AFF3: variants seen among roughly 807,000 people sequenced by gnomAD.
AFF3 encodes ALF transcription elongation factor 3.
In AFF3, 32 loss-of-function variants were observed where a neutral mutation model predicts 129.7. That is an observed-to-expected ratio of 0.25 (90% CI 0.19 to 0.33). The LOEUF (loss-of-function observed/expected upper bound fraction) is 0.33, where lower values mean the gene tolerates loss of function less well. Among genes scored for constraint, AFF3 ranks in the 10% least tolerant of loss-of-function variants. The pLI, the probability that AFF3 is intolerant of heterozygous loss-of-function variation, is 1.00. For synonymous variants in AFF3, 644 were observed against 635.4 expected (o/e 1.01, Z -0.20); for missense variants, 1,373 against 1,592.0 (o/e 0.86, Z 2.34).
At chr2:99,576,492 C>T (rs1017401665) in intron 18 of AFF3, among the ~76,000 whole-genome samples, 2 of 136,542 alleles carry the variant, frequency 1.5e-5, no homozygotes, top group African/African-American at 2.8e-5. Context: ...CTCTAGCCTG[C>T]GTGACAGGGC....
At chr2:99,622,565 T>C (rs763293261) in intron 13 of AFF3, among the ~76,000 whole-genome samples, 1 of 152,228 alleles carries the variant, frequency 6.6e-6, no homozygotes, top group Non-Finnish European at 1.5e-5. Context: ...TAAGTCTGAG[T>C]TCTGCGACTC....
At chr2:99,683,286 G>C (rs1026395257) in intron 11 of AFF3, among the ~76,000 whole-genome samples, 2 of 152,126 alleles carry the variant, frequency 1.3e-5, no homozygotes, top group Non-Finnish European at 2.9e-5. Flanking sequence ...AAAAACGAGA[G>C]TGTTTACCTC....
intron 2 of AFF3, chr2:100,107,098 G>A: frequency 1.0e-6 from 1 of 985,408 alleles, no homozygotes; most frequent in Middle Eastern, 5.2e-4. Flanking sequence ...CTCTAACATG[G>A]GGATAGTTGG....
chr2:100,085,495 ACT>A (rs1478077002), intron 4 of AFF3, among the ~76,000 whole-genome samples: 1 of 149,576 alleles, frequency 6.7e-6, no homozygotes. Flanking sequence ...TTCCAAAACC[ACT>A]CTCAGCCTGT....
At chr2:99,674,392 C>G (rs1003965789) in intron 11 of AFF3, among the ~76,000 whole-genome samples, 4 of 152,186 alleles carry the variant, frequency 2.6e-5, no homozygotes, top group Non-Finnish European at 5.9e-5. Context: ...CAGCACAGTG[C>G]GGCACAGAAC....
At position 99,648,913 on chromosome 2, in the gene AFF3, A is replaced by ACTCTCTCTCTCTCTCT. The variant is rs1558695739; in HGVS notation, c.1184+712_1184+713insAGAGAGAGAGAGAGAG. ...CACACACACACACACACACACACACACACACTCTCTCTCTCTCTCTCTCTC... is the reference window on the plus strand; with the variant it reads ...CACACACACACACACACACACACACACTCTCTCTCTCTCTCTCACACTCTCTCTCTCTCTCTCTCTC... On this transcript the variant is annotated intron_variant, in intron 13 of 24. Transcript: ENST00000672756. Among the ~76,000 whole-genome samples the ACTCTCTCTCTCTCTCT allele has an allele frequency of 1.4e-4, 5 of 34,650 alleles. 1 individual carries two copies. Among genetic ancestry groups the ACTCTCTCTCTCTCTCT allele is most frequent in the Non-Finnish European group, 3.5e-4 (5 of 14,184 alleles). 22.7% of individuals were successfully genotyped at this position (34,650 alleles called of 152,430 possible). A position where few individuals can be genotyped will look rare whatever the true frequency, so the allele number is the denominator to read the frequency against.
rs189092754 is a variant in AFF3 at position 100,119,714 on chromosome 2, T to C, written c.-145+9510A>G. ...TCCCCATTTTACAGGGAAGAAAGTGTGGTTTACAGGGGACAAACTATTTAA... is the reference window on the plus strand; with the variant it reads ...TCCCCATTTTACAGGGAAGAAAGTGCGGTTTACAGGGGACAAACTATTTAA... On this transcript the variant is annotated intron_variant, in intron 2 of 24. Coordinates refer to ENST00000672756, the MANE Select transcript of AFF3 (RefSeq NM_001386135.1). 4.6e-5 allele frequency among the ~76,000 whole-genome samples: 7 copies of C among 152,312 alleles called. No individual in the cohort carries two copies. The East Asian group carries it at 1.4e-3, about 29-fold the overall frequency.
Position 99,710,250 on chromosome 2 carries a change from A to T in AFF3, c.1091+16827T>A, listed in dbSNP as rs542125339. Among the ~76,000 whole-genome samples the T allele has an allele frequency of 2.6e-5, 4 of 152,228 alleles. No homozygotes were observed. The East Asian group carries it at 7.7e-4, about 29-fold the overall frequency. On this transcript the variant is annotated intron_variant, in intron 11 of 24. Coordinates refer to ENST00000672756, the MANE Select transcript of AFF3 (RefSeq NM_001386135.1). ...ATACAGAGCCTGGCACACAGTATTC[A>T]GTATTTGTTTTTTGTTTCTTTTTTT...
At chr2:99,558,735 G>T in intron 22 of AFF3, 140 bp downstream of exon 22, 1 of 659,728 alleles carries the variant, frequency 1.5e-6, no homozygotes. Context: ...AGCCACAAGT[G>T]TGGCATAAAT....
At position 99,869,345 on chromosome 2, in the gene AFF3, G is replaced by A. The variant is rs551245813; in HGVS notation, c.874-31821C>T. 2.7e-5 allele frequency among the ~76,000 whole-genome samples: 4 copies of A among 150,658 alleles called. No individual in the cohort carries two copies. The East Asian group carries it at 6.0e-4, about 22-fold the overall frequency. ...CAGTACTTCTTAAATCTCAGCAAAG[G>A]CCTTCCATAAAAAGAAGGCATTCAC... On this transcript the variant is annotated intron_variant, in intron 7 of 24. Transcript: ENST00000672756.
intron 2 of AFF3, among the ~76,000 whole-genome samples, chr2:100,121,244 T>C (rs1222452058): frequency 6.6e-6 from 1 of 152,114 alleles, no homozygotes; most frequent in African/African-American, 2.4e-5. Context: ...CATAGAAACC[T>C]CAGGCTCAAC....
intron 4 of AFF3, among the ~76,000 whole-genome samples, chr2:100,095,356 T>C (rs997372333): frequency 2.0e-5 from 3 of 152,010 alleles, no homozygotes; most frequent in Non-Finnish European, 2.9e-5. Flanking sequence ...TGGAAAGTAA[T>C]GTTGCATATT....
chr2:100,041,155 T>C (rs1253760799), intron 4 of AFF3, among the ~76,000 whole-genome samples: 6 of 152,188 alleles, frequency 3.9e-5, no homozygotes, highest in South Asian at 4.1e-4. Context: ...ACTAAAGTGA[T>C]AGATGGGTTC....
At chr2:100,049,776 G>C (rs1452117003) in intron 4 of AFF3, among the ~76,000 whole-genome samples, 1 of 152,142 alleles carries the variant, frequency 6.6e-6, no homozygotes, top group Non-Finnish European at 1.5e-5. Context: ...TCACAGTTGG[G>C]AAAATATAAA....
intron 2 of AFF3, among the ~76,000 whole-genome samples, chr2:100,123,603 C>T (rs956622676): frequency 2.0e-5 from 3 of 152,120 alleles, no homozygotes; most frequent in Admixed American, 6.5e-5. Context: ...AAAACGGCAT[C>T]GATAGTGTTG....
chr2:99,717,539 G>T (rs1678505761), intron 11 of AFF3, among the ~76,000 whole-genome samples: 1 of 152,090 alleles, frequency 6.6e-6, no homozygotes, highest in East Asian at 1.9e-4. Context: ...TCTTTTGTCT[G>T]TTCAAAGCTT....
chr2:99,652,632 C>T lies in AFF3; in HGVS notation c.1144-2966G>A, dbSNP rs150957700. Among the ~76,000 whole-genome samples, 561 of 152,020 alleles carry T rather than the reference C, an allele frequency of 3.7e-3. 3 individuals carry two copies. The highest frequency in any genetic ancestry group is 0.013 in the African/African-American group (529 of 41,468). ...TGTGTTGAGCCGGGGTTGGAGAGTC[C>T]GACATTCTGGGACAGGTTTTGCCAT... On this transcript the variant is annotated intron_variant, in intron 12 of 24. Transcript: ENST00000672756.
chr2:99,707,841 C>A (rs1187548629), intron 11 of AFF3, among the ~76,000 whole-genome samples: 1 of 151,918 alleles, frequency 6.6e-6, no homozygotes, highest in African/African-American at 2.4e-5. Context: ...AGAATTCATT[C>A]TTATTTTCTT....
intron 7 of AFF3, among the ~76,000 whole-genome samples, chr2:99,982,264 G>C (rs34506349): frequency 6.6e-6 from 1 of 152,090 alleles, no homozygotes; most frequent in Admixed American, 6.5e-5. Flanking sequence ...GGTCTTTCCC[G>C]TGCCGTTCTC....
Sources: allele counts gnomAD v4.1 joint callset (sites outside exome capture counted in the v4.1 genomes callset), GRCh38; gene constraint gnomAD v4.1.1; transcripts MANE v1.5; gene names NCBI Gene and HGNC (gene_info 2026-07-23, HGNC 2026-07-21).